The following KLRG2 variants were observed in gnomAD, a reference collection of about 807,000 sequenced individuals.
KLRG2 encodes the protein killer cell lectin-like receptor subfamily G member 2.
A neutral mutation model predicts 35.4 loss-of-function variants in KLRG2; 39 were observed. The observed-to-expected ratio is 1.10, with a 90% confidence interval of 0.85 to 1.44. The LOEUF is 1.44. Among genes scored for constraint, KLRG2 ranks in the 40% most tolerant of loss-of-function variants. The probability of loss-of-function intolerance (pLI) is 0.00; values close to 1 mark genes in which losing one functional copy is unlikely to be tolerated. For synonymous variants in KLRG2, 283 were observed against 265.8 expected (o/e 1.06, Z -0.63); for missense variants, 632 against 570.9 (o/e 1.11, Z -1.09).
chr7:139,470,318 G>C (rs547163695), intron 3 of KLRG2, among the ~76,000 whole-genome samples: 1 of 151,680 alleles, frequency 6.6e-6, no homozygotes, highest in Non-Finnish European at 1.5e-5. Flanking sequence ...TCAGCCTCCC[G>C]AATTGCTGGG....
chr7:139,470,931 C>T lies in KLRG2; in HGVS notation c.1005+8696G>A, dbSNP rs536420785. Among the ~76,000 whole-genome samples, 686 of 152,014 alleles carry T rather than the reference C, an allele frequency of 4.5e-3. 7 individuals carry two copies. The highest frequency in any genetic ancestry group is 0.01 in the Middle Eastern group (3 of 294). On this transcript the variant is annotated intron_variant, in intron 3 of 4. Coordinates refer to ENST00000340940, the MANE Select transcript of KLRG2 (RefSeq NM_198508.4). The stretch of plus-strand genomic sequence containing the variant: ...GATCTTGGCTCACTGGAACCCCTGT[C>T]TCCCAGGTTAAAGCGATTCTCCTGC...
At chr7:139,470,026 T>A (rs145157455) in intron 3 of KLRG2, among the ~76,000 whole-genome samples, 25 of 151,404 alleles carry the variant, frequency 1.7e-4, no homozygotes, top group Non-Finnish European at 3.1e-4. Flanking sequence ...GACCGAGTAA[T>A]GCTAAGAGAA....
chr7:139,440,691 C>G, the KLRG2 span, among the ~76,000 whole-genome samples: 5 of 152,172 alleles, frequency 3.3e-5, no homozygotes, highest in East Asian at 9.7e-4. Context: ...CTCAAGTGAT[C>G]CTTCCCCTTC....
chr7:139,435,803 G>A, the KLRG2 span, among the ~76,000 whole-genome samples: 1 of 152,162 alleles, frequency 6.6e-6, no homozygotes, highest in African/African-American at 2.4e-5. Context: ...AGAATCCATT[G>A]TAAGGGTGCC....
the KLRG2 span, among the ~76,000 whole-genome samples, chr7:139,428,414 T>TA: frequency 1.3e-5 from 2 of 151,908 alleles, no homozygotes; most frequent in African/African-American, 4.8e-5. Flanking sequence ...AGCTAATTTT[T>TA]TAAAAAATTT....
chr7:139,478,496 C>A (rs1037780762), intron 3 of KLRG2, among the ~76,000 whole-genome samples: 1 of 151,886 alleles, frequency 6.6e-6, no homozygotes, highest in African/African-American at 2.4e-5. Context: ...ATGGAGAAAC[C>A]CCATCTCTAC....
chr7:139,446,094 C>T, the KLRG2 span, among the ~76,000 whole-genome samples: 10 of 152,126 alleles, frequency 6.6e-5, no homozygotes, highest in Middle Eastern at 3.4e-3. Context: ...CCGCCCGCCT[C>T]GGCCTCCCAG....
At chr7:139,458,909 T>C (rs72611549) in intron 3 of KLRG2, among the ~76,000 whole-genome samples, 9,161 of 152,304 alleles carry the variant, frequency 0.06, 319 homozygotes, top group Middle Eastern at 0.14. Flanking sequence ...TTGTGCGCGC[T>C]GCTTCTGCGT....
the KLRG2 span, among the ~76,000 whole-genome samples, chr7:139,439,697 T>C: frequency 1.3e-5 from 2 of 152,110 alleles, no homozygotes; most frequent in Non-Finnish European, 2.9e-5. Flanking sequence ...CAGGGTAACA[T>C]GAACCTCCTG....
At chr7:139,456,541 G>A (rs1796479910) in intron 3 of KLRG2, among the ~76,000 whole-genome samples, 1 of 151,964 alleles carries the variant, frequency 6.6e-6, no homozygotes, top group South Asian at 2.1e-4. Context: ...TAGTAGAGAT[G>A]GGGTTTCACC....
chr7:139,432,544 A>AACCC, the KLRG2 span, among the ~76,000 whole-genome samples: 1 of 100,816 alleles, frequency 9.9e-6, no homozygotes, highest in African/African-American at 3.6e-5. Flanking sequence ...TGATTGCAGG[A>AACCC]CCCCCCCCCC....
chr7:139,478,435 C>T (rs1032498371), intron 3 of KLRG2, among the ~76,000 whole-genome samples: 2 of 150,256 alleles, frequency 1.3e-5, no homozygotes, highest in Non-Finnish European at 3.0e-5. Context: ...TTTGGGAGGC[C>T]GAGGCGGGCG....
the KLRG2 span, among the ~76,000 whole-genome samples, chr7:139,444,201 A>G: frequency 6.6e-6 from 1 of 152,210 alleles, no homozygotes; most frequent in African/African-American, 2.4e-5. Flanking sequence ...TGCCTCTTCC[A>G]GTCCACTGAC....
At chr7:139,437,869 A>G in the KLRG2 span, among the ~76,000 whole-genome samples, 1 of 152,202 alleles carries the variant, frequency 6.6e-6, no homozygotes, top group Admixed American at 6.5e-5. Context: ...CCCTGCATCC[A>G]TGCCCTTTGC....
At chr7:139,458,379 CAAAA>C (rs966811238) in intron 3 of KLRG2, among the ~76,000 whole-genome samples, 1 of 135,196 alleles carries the variant, frequency 7.4e-6, no homozygotes, top group South Asian at 2.3e-4. Flanking sequence ...GATCCTGTCT[CAAAA>C]AAAAAAAGAA....
intron 3 of KLRG2, among the ~76,000 whole-genome samples, chr7:139,461,467 C>T (rs1448953905): frequency 1.3e-5 from 2 of 152,202 alleles, no homozygotes; most frequent in East Asian, 3.8e-4. Context: ...TTTAGGATTG[C>T]CAGGCCTCTG....
chr7:139,478,717 A>C (rs7779375), intron 3 of KLRG2, among the ~76,000 whole-genome samples: 1 of 151,958 alleles, frequency 6.6e-6, no homozygotes, highest in Non-Finnish European at 1.5e-5. Context: ...ACTGGATCCT[A>C]TCTATTGGTC....
At chr7:139,451,122 C>G (rs1796370122), downstream of KLRG2, among the ~76,000 whole-genome samples, 1 of 152,128 alleles carries the variant, frequency 6.6e-6, no homozygotes, top group Admixed American at 6.5e-5. Flanking sequence ...CCATCTAAAG[C>G]AGAACTGGCT....
downstream of KLRG2, among the ~76,000 whole-genome samples, chr7:139,450,465 T>C (rs1404509067): frequency 2.0e-5 from 3 of 151,772 alleles, no homozygotes; most frequent in East Asian, 2.0e-4. Flanking sequence ...CCTTGTGATC[T>C]GCCCACCGTG....
Sources: gnomAD v4.1 joint callset for allele counts (sites outside exome capture counted in the v4.1 genomes callset) on GRCh38, gnomAD v4.1.1 for gene constraint, MANE v1.5 for transcripts, NCBI Gene and HGNC (gene_info 2026-07-23, HGNC 2026-07-21) for gene names.